TRMT9B: variants seen among roughly 807,000 people sequenced by gnomAD.
TRMT9B encodes the protein probable tRNA methyltransferase 9B.
In TRMT9B, 16 loss-of-function variants were observed where a neutral mutation model predicts 11.5. The ratio of observed to expected loss-of-function variants is 1.39; its 90% CI spans 0.94 to 2.11. The LOEUF is 2.11. TRMT9B is among the 30% of genes most tolerant of loss of function. The probability of loss-of-function intolerance (pLI) is 0.00; values close to 1 mark genes in which losing one functional copy is unlikely to be tolerated. For missense variants in TRMT9B, 941 were observed against 553.8 expected (o/e 1.70, Z -7.02); for synonymous variants, 274 against 192.4 (o/e 1.42, Z -3.51).
chr8:12,950,185 T>C (rs1015986080), intron 1 of TRMT9B, among the ~76,000 whole-genome samples: 1 of 152,146 alleles, frequency 6.6e-6, no homozygotes, highest in African/African-American at 2.4e-5. Context: ...AAATCAGACA[T>C]TGGACACCAC....
At chr8:12,981,651 G>A (rs759084141) in intron 1 of TRMT9B, among the ~76,000 whole-genome samples, 9 of 151,682 alleles carry the variant, frequency 5.9e-5, no homozygotes, top group Non-Finnish European at 1.3e-4. Flanking sequence ...CCAGGCTGGA[G>A]TGCAGTGTTG....
At chr8:13,020,040 T>C (rs1002649760) in intron 4 of TRMT9B, among the ~76,000 whole-genome samples, 1 of 152,222 alleles carries the variant, frequency 6.6e-6, no homozygotes, top group African/African-American at 2.4e-5. Context: ...CCATTTTTGA[T>C]ATTTAATATG....
rs1259389004 is a variant in TRMT9B at position 13,006,278 on chromosome 8, G to A, written c.76G>A (p.Asp26Asn). The part of the protein sequence containing the change: ...VYESTAPYFS[D>N]LQSKAWPRVR... Reference sequence around the variant, plus strand: ...CGAGAGCACAGCCCCTTACTTCAGCGACCTGCAGAGCAAAGCCTGGCCTCG... The same window carrying A: ...CGAGAGCACAGCCCCTTACTTCAGCAACCTGCAGAGCAAAGCCTGGCCTCG... Residue 26 changes from aspartate to asparagine, a missense_variant, in exon 3 of 5, where the codon GAC becomes AAC. Asp to Asn is a conservative substitution (Grantham distance 23). Transcript: ENST00000524591. 10 of 1,613,800 alleles carry A rather than the reference G, an allele frequency of 6.2e-6. No individual in the cohort carries two copies. In the East Asian group the frequency reaches 6.7e-5, roughly 11 times the overall value.
At position 13,021,765 on chromosome 8, in the gene TRMT9B, A is replaced by G. The variant is rs564520755; in HGVS notation, c.1086A>G (p.Ala362=). 1.2e-6 allele frequency: 2 copies of G among 1,613,952 alleles called. No individual in the cohort carries two copies. Among genetic ancestry groups the G allele is most frequent in the South Asian group, 2.2e-5 (2 of 91,072 alleles). ...ATACTGGTGTGAATTGTGTGGATGC[A>G]GGCAACATAGAAGATGATAATCCTT... The part of the protein sequence containing the change: ...STNTGVNCVD[A]GNIEDDNPSA... The change falls in exon 5 of 5, where the codon GCA becomes GCG. Residue 362 remains alanine, a synonymous_variant. Coordinates refer to ENST00000524591, the MANE Select transcript of TRMT9B (RefSeq NM_020844.3).
intron 1 of TRMT9B, among the ~76,000 whole-genome samples, chr8:12,971,958 G>T (rs1040882687): frequency 1.3e-5 from 2 of 152,092 alleles, no homozygotes; most frequent in Non-Finnish European, 2.9e-5. Context: ...CTCACTGGGA[G>T]AGACAAGCCA....
chr8:13,002,375 A>G (rs1247541504), intron 2 of TRMT9B, among the ~76,000 whole-genome samples: 1 of 152,208 alleles, frequency 6.6e-6, no homozygotes, highest in East Asian at 1.9e-4. Context: ...ACTAAAATCT[A>G]CTGAGATTTT....
intron 1 of TRMT9B, among the ~76,000 whole-genome samples, chr8:12,953,555 G>T (rs192075420): frequency 6.6e-6 from 1 of 152,270 alleles, no homozygotes; most frequent in East Asian, 1.9e-4. Flanking sequence ...ATTTCACCTT[G>T]TTGGCCAGGC....
At position 13,021,511 on chromosome 8, in the gene TRMT9B, G is replaced by T. The variant is rs1201537049; in HGVS notation, c.832G>T (p.Ala278Ser). ...ACCCTTGAAAAACACAGAAGTTTGG[G>T]CCAGTAGCACTGTAACAGTCCAGCC... is the stretch of plus-strand genomic sequence containing the variant. ...VRPLKNTEVWASSTVTVQPSR... is the reference protein window; with the variant it reads ...VRPLKNTEVWSSSTVTVQPSR... The change falls in exon 5 of 5, where the codon GCC becomes TCC. Residue 278 changes from alanine to serine, a missense_variant. Ala to Ser is a moderately conservative substitution (Grantham distance 99, BLOSUM62 1). Transcript: ENST00000524591. 2 of 1,613,666 alleles carry T rather than the reference G, an allele frequency of 1.2e-6. No homozygotes were observed. The highest frequency in any genetic ancestry group is 2.2e-5 in the East Asian group (1 of 44,876).
In TRMT9B at chr8:13,012,548, C is replaced by T. The variant is rs185568826; in HGVS notation, c.155-136C>T. On this transcript the variant is annotated intron_variant, in intron 3 of 4. Transcript: ENST00000524591. ...CGAGATTGCGCCACTGCACTCCAGC[C>T]TGGGTGACTGAGGGAGACTCTGTCT... is the stretch of plus-strand genomic sequence containing the variant. The T allele has an allele frequency of 1.1e-4, 130 of 1,170,496 alleles. 1 individual carries two copies. Among genetic ancestry groups the T allele is most frequent in the Admixed American group, 6.0e-5 (2 of 33,442 alleles). 72.5% of individuals were successfully genotyped at this position (1,170,496 alleles called of 1,614,324 possible).
At chr8:12,964,463 T>C (rs1234805735) in intron 1 of TRMT9B, among the ~76,000 whole-genome samples, 1 of 152,256 alleles carries the variant, frequency 6.6e-6, no homozygotes, top group Admixed American at 6.5e-5. Flanking sequence ...GAGTTCCGTA[T>C]TCCTGTTTAA....
In TRMT9B at chr8:12,949,066, A is replaced by AAG. The variant is rs1800410857; in HGVS notation, c.-200+3101_-200+3102insGA. 2.0e-5 allele frequency among the ~76,000 whole-genome samples: 3 copies of AAG among 152,374 alleles called. No individual in the cohort carries two copies. In the South Asian group the frequency reaches 6.2e-4, roughly 32 times the overall value. ...ACACTTTATAATTCTTCCTCAGAGAAAACGTATTGTTTCTACATAGACTCT... is the reference window on the plus strand; with the variant it reads ...ACACTTTATAATTCTTCCTCAGAGAAAGAACGTATTGTTTCTACATAGACTCT... On this transcript the variant is annotated intron_variant, in intron 1 of 4. Coordinates refer to ENST00000524591, the MANE Select transcript of TRMT9B (RefSeq NM_020844.3).
chr8:12,986,447 C>A (rs530632367), intron 1 of TRMT9B, among the ~76,000 whole-genome samples: 1 of 152,302 alleles, frequency 6.6e-6, no homozygotes, highest in Non-Finnish European at 1.5e-5. Context: ...AATTATGGAA[C>A]ATATGTTCAC....
rs561150387 is a variant in TRMT9B, at chr8:13,011,289, A to G, written c.155-1395A>G. 37 of 985,226 alleles carry G rather than the reference A, an allele frequency of 3.8e-5. No homozygotes were observed. The East Asian group carries it at 3.7e-3, about 100-fold the overall frequency. 61.0% of individuals were successfully genotyped at this position (985,226 alleles called of 1,614,324 possible). A position where few individuals can be genotyped will look rare whatever the true frequency, so the allele number is the denominator to read the frequency against. On this transcript the variant is annotated intron_variant, in intron 3 of 4. Coordinates refer to ENST00000524591, the MANE Select transcript of TRMT9B (RefSeq NM_020844.3). ...GCATGAGCCACCGCGCCAGACCCCA[A>G]ATTTTATTTTTTATTCATATATTCT...
chr8:12,959,405 A>G (rs1035561462), intron 1 of TRMT9B, among the ~76,000 whole-genome samples: 1 of 151,942 alleles, frequency 6.6e-6, no homozygotes, highest in African/African-American at 2.4e-5. Flanking sequence ...ATAAATCATA[A>G]ATGTATGTTG....
chr8:12,949,277 G>T (rs1019078697), intron 1 of TRMT9B, among the ~76,000 whole-genome samples: 1 of 151,390 alleles, frequency 6.6e-6, no homozygotes, highest in African/African-American at 2.4e-5. Flanking sequence ...ACTGAAAAAC[G>T]TTAAACCTCA....
chr8:12,978,583 G>A (rs1164582821), intron 1 of TRMT9B, among the ~76,000 whole-genome samples: 5 of 152,052 alleles, frequency 3.3e-5, no homozygotes, highest in African/African-American at 9.7e-5. Flanking sequence ...TGCACTATGA[G>A]CAATTCTGAG....
intron 1 of TRMT9B, among the ~76,000 whole-genome samples, chr8:12,965,416 A>G (rs1338030902): frequency 6.6e-6 from 1 of 152,168 alleles, no homozygotes; most frequent in Non-Finnish European, 1.5e-5. Context: ...CAGAAGGCCA[A>G]CTACTCAAGG....
At position 13,021,760 on chromosome 8, in the gene TRMT9B, G is replaced by C. The variant is rs772037347; in HGVS notation, c.1081G>C (p.Asp361His). The change falls in exon 5 of 5, where the codon GAT (aspartate) becomes CAT (histidine). Residue 361 changes from aspartate (D) to histidine (H), a missense_variant. Coordinates refer to ENST00000524591, the MANE Select transcript of TRMT9B (RefSeq NM_020844.3). ...DSTNTGVNCV[D>H]AGNIEDDNPS... ...CACTAATACTGGTGTGAATTGTGTG[G>C]ATGCAGGCAACATAGAAGATGATAA... The C allele has an allele frequency of 8.7e-6, 14 of 1,613,972 alleles. No individual in the cohort carries two copies. Among genetic ancestry groups the C allele is most frequent in the Non-Finnish European group, 1.2e-5 (14 of 1,179,900 alleles).
chr8:13,020,186 A>G (rs1035900593), intron 4 of TRMT9B, among the ~76,000 whole-genome samples: 3 of 152,102 alleles, frequency 2.0e-5, no homozygotes, highest in Non-Finnish European at 2.9e-5. Flanking sequence ...GAATCTTCCA[A>G]TTTTGCTTGA....
Sources: allele counts gnomAD v4.1 joint callset (sites outside exome capture counted in the v4.1 genomes callset), GRCh38; gene constraint gnomAD v4.1.1; transcripts MANE v1.5; gene names NCBI Gene and HGNC (gene_info 2026-07-23, HGNC 2026-07-21).